RAI14: variants seen among roughly 807,000 people sequenced by gnomAD.
RAI14 encodes the protein ankycorbin.
Under a neutral mutation model 115.4 loss-of-function variants are expected in RAI14, and 45 were observed. The observed-to-expected ratio is 0.39, with a 90% CI of 0.31 to 0.50. The LOEUF (loss-of-function observed/expected upper bound fraction) is 0.50. Ranked by LOEUF, RAI14 falls within the 20% of genes least tolerant of loss-of-function variation. RAI14 has a pLI of 0.85. For missense variants in RAI14, 939 were observed against 1,131.2 expected, an observed-to-expected ratio of 0.83 and a Z score of 2.44; for synonymous variants, 371 against 415.4, an observed-to-expected ratio of 0.89 and a Z score of 1.30.
At chr5:34,697,400 C>T (rs1157655924) in intron 2 of RAI14, among the ~76,000 whole-genome samples, 1 of 148,590 alleles carries the variant, frequency 6.7e-6, no homozygotes, top group East Asian at 2.0e-4. Context: ...CGTGCCATTG[C>T]ACTCCAGCCT....
chr5:34,818,524 G>A (rs574429108), intron 12 of RAI14, among the ~76,000 whole-genome samples: 1 of 152,206 alleles, frequency 6.6e-6, no homozygotes, highest in African/African-American at 2.4e-5. Context: ...AAATATATTT[G>A]CATTGTACTC....
At chr5:34,659,388 C>T (rs1742522397) in intron 1 of RAI14, among the ~76,000 whole-genome samples, 1 of 152,176 alleles carries the variant, frequency 6.6e-6, no homozygotes, top group Admixed American at 6.5e-5. Context: ...CTGCCTCATC[C>T]TCCAAAGTGG....
intron 2 of RAI14, among the ~76,000 whole-genome samples, chr5:34,746,068 TCCTCCCCTTATACACCACCC>T (rs1229447128): frequency 9.8e-6 from 1 of 102,040 alleles, no homozygotes; most frequent in African/African-American, 3.5e-5. Context: ...TCATCACACC[TCCTCCCCTTATACACCACCC>T]CCTCCCCCCC....
chr5:34,711,140 G>A (rs185258090), intron 2 of RAI14, among the ~76,000 whole-genome samples: 15 of 152,304 alleles, frequency 9.8e-5, no homozygotes, highest in Middle Eastern at 3.4e-3. Flanking sequence ...ATGCGCGTCC[G>A]TGTGAAGAGA....
rs1054007313 is a variant in RAI14, at chr5:34,829,719, A to G, written c.2800-13A>G. ...CTTAAGCTCATTAATAATGTGAAAT[A>G]TTCCCTTTCTAGGAATGCAAGAAAC... On this transcript the variant is annotated splice_polypyrimidine_tract_variant and intron_variant, in intron 16 of 17. Coordinates refer to ENST00000265109, the MANE Select transcript of RAI14 (RefSeq NM_015577.3). 8 of 1,599,572 alleles carry G rather than the reference A, an allele frequency of 5.0e-6. No individual in the cohort carries two copies. Among genetic ancestry groups the G allele is most frequent in the Non-Finnish European group, 6.0e-6 (7 of 1,169,964 alleles).
intron 2 of RAI14, among the ~76,000 whole-genome samples, chr5:34,719,749 A>G (rs1391757051): frequency 6.6e-6 from 1 of 152,198 alleles, no homozygotes; most frequent in Non-Finnish European, 1.5e-5. Flanking sequence ...TGTCTGGTCA[A>G]TGGCATGTCA....
At chr5:34,751,610 G>C (rs1747030659) in intron 2 of RAI14, among the ~76,000 whole-genome samples, 1 of 152,160 alleles carries the variant, frequency 6.6e-6, no homozygotes. Context: ...CCTAGTTGTA[G>C]TTTGTTCATT....
At chr5:34,774,948 C>T (rs1404340849) in intron 3 of RAI14, among the ~76,000 whole-genome samples, 1 of 152,016 alleles carries the variant, frequency 6.6e-6, no homozygotes, top group African/African-American at 2.4e-5. Flanking sequence ...GAACAGAGAA[C>T]CCAGAAACAA....
intron 11 of RAI14, among the ~76,000 whole-genome samples, chr5:34,813,913 T>C (rs1026226096): frequency 3.9e-5 from 6 of 152,184 alleles, no homozygotes; most frequent in Non-Finnish European, 7.3e-5. Flanking sequence ...CTCAAGGAAA[T>C]TTCTCAAAAT....
chr5:34,805,771 G>A (rs986886703), intron 5 of RAI14, among the ~76,000 whole-genome samples: 1 of 152,192 alleles, frequency 6.6e-6, no homozygotes, highest in African/African-American at 2.4e-5. Context: ...AACCTGGGAG[G>A]TGGAGGTTGC....
At chr5:34,760,991 T>C (rs1748579619) in intron 3 of RAI14, among the ~76,000 whole-genome samples, 1 of 152,220 alleles carries the variant, frequency 6.6e-6, no homozygotes, top group Non-Finnish European at 1.5e-5. Flanking sequence ...TCATATAATA[T>C]GTGGCCTCTT....
At chr5:34,771,789 C>T (rs1199068061) in intron 3 of RAI14, among the ~76,000 whole-genome samples, 1 of 152,166 alleles carries the variant, frequency 6.6e-6, no homozygotes, top group Non-Finnish European at 1.5e-5. Context: ...TAATCTGTCC[C>T]ACTGAGAACA....
intron 3 of RAI14, among the ~76,000 whole-genome samples, chr5:34,771,061 G>A (rs1750090756): frequency 6.6e-6 from 1 of 152,110 alleles, no homozygotes; most frequent in Non-Finnish European, 1.5e-5. Context: ...CTCCTTTCTT[G>A]GAAATGAAGA....
At chr5:34,743,541 A>C (rs971320529) in intron 2 of RAI14, among the ~76,000 whole-genome samples, 1 of 152,248 alleles carries the variant, frequency 6.6e-6, no homozygotes, top group Admixed American at 6.5e-5. Context: ...GGTTCCAGGT[A>C]GACATGAATG....
At position 34,823,872 on chromosome 5, in the gene RAI14, A is replaced by G; in HGVS notation, c.2030A>G (p.His677Arg). The G allele has an allele frequency of 6.2e-7, 1 of 1,614,206 alleles. No individual in the cohort carries two copies. The highest frequency in any genetic ancestry group is 8.5e-7 in the Non-Finnish European group (1 of 1,180,034). The change falls in exon 15 of 18, where the codon CAT becomes CGT. Residue 677 changes from histidine (H) to arginine (R), a missense_variant. By Grantham distance (29) the His-to-Arg change is conservative (BLOSUM62 0). Transcript: ENST00000265109. This position sits in a 1 kb window ranked among gnomAD's most constrained non-coding sequence, Gnocchi z 4.5. Reference sequence around the variant, plus strand: ...GAGGATGTCACAGCTGAATATATCCATAAAGCAGAGCATGAGAAACTGATG... The same window carrying G: ...GAGGATGTCACAGCTGAATATATCCGTAAAGCAGAGCATGAGAAACTGATG... ...SLEDVTAEYI[H>R]KAEHEKLMQL...
At chr5:34,758,881 T>C (rs1748243217) in intron 3 of RAI14, among the ~76,000 whole-genome samples, 1 of 152,208 alleles carries the variant, frequency 6.6e-6, no homozygotes, top group Admixed American at 6.5e-5. Flanking sequence ...AGGGTTTCCT[T>C]ATCCCAGGTT....
intron 10 of RAI14, among the ~76,000 whole-genome samples, chr5:34,813,023 C>T (rs1275737939): frequency 1.3e-5 from 2 of 152,122 alleles, no homozygotes; most frequent in African/African-American, 4.8e-5. Flanking sequence ...TATATTGTCA[C>T]TATCTGTTTT....
At chr5:34,670,858 G>A (rs143342259) in intron 1 of RAI14, among the ~76,000 whole-genome samples, 433 of 152,262 alleles carry the variant, frequency 2.8e-3, no homozygotes, top group South Asian at 0.017. Flanking sequence ...TGCTTCAACC[G>A]TAATCTAGAC....
intron 1 of RAI14, among the ~76,000 whole-genome samples, chr5:34,674,074 C>T (rs1191186959): frequency 1.3e-5 from 2 of 152,006 alleles, no homozygotes; most frequent in African/African-American, 4.8e-5. Context: ...GGCCTACCTT[C>T]ATGTGAGCCA....
Sources: gnomAD v4.1 joint callset for allele counts (sites outside exome capture counted in the v4.1 genomes callset) on GRCh38, gnomAD v4.1.1 for gene constraint, Gnocchi (gnomAD v3.1) non-coding constraint, MANE v1.5 for transcripts, NCBI Gene and HGNC (gene_info 2026-07-23, HGNC 2026-07-21) for gene names.